The following CCDC102B variants were observed in gnomAD, a reference collection of about 807,000 sequenced individuals.
The protein encoded by CCDC102B is coiled-coil domain-containing protein 102B.
Under a neutral mutation model 57.4 loss-of-function variants are expected in CCDC102B, and 75 were observed. That is an observed-to-expected ratio of 1.31 (90% CI 1.08 to 1.58). The LOEUF is 1.58. CCDC102B is among the 40% of genes most tolerant of loss of function. The pLI, the probability that CCDC102B is intolerant of heterozygous loss-of-function variation, is 0.00. For synonymous variants in CCDC102B, 206 were observed against 201.9 expected (o/e 1.02, Z -0.17); for missense variants, 636 against 582.6 (o/e 1.09, Z -0.94).
chr18:68,967,200 C>CT (rs1220642873), intron 6 of CCDC102B, among the ~76,000 whole-genome samples: 3 of 152,048 alleles, frequency 2.0e-5, no homozygotes, highest in African/African-American at 7.2e-5. Flanking sequence ...GTGCCCTCTC[C>CT]TATCAACCAT....
At chr18:68,973,325 G>T (rs2050348904) in intron 6 of CCDC102B, among the ~76,000 whole-genome samples, 1 of 152,000 alleles carries the variant, frequency 6.6e-6, no homozygotes, top group Non-Finnish European at 1.5e-5. Context: ...TATGATTCAG[G>T]GAAATGTATA....
At chr18:68,781,034 G>A (rs2034990193) in intron 2 of CCDC102B, among the ~76,000 whole-genome samples, 1 of 151,974 alleles carries the variant, frequency 6.6e-6, no homozygotes, top group Non-Finnish European at 1.5e-5. Context: ...AGTTCATCTT[G>A]CAACTAATTA....
At chr18:68,811,795 C>T (rs1252985166) in intron 1 of CCDC102B, among the ~76,000 whole-genome samples, 1 of 151,998 alleles carries the variant, frequency 6.6e-6, no homozygotes, top group Admixed American at 6.6e-5. Context: ...CCTGAGGTCA[C>T]GTGAAGCACA....
intron 7 of CCDC102B, among the ~76,000 whole-genome samples, chr18:69,050,193 A>G (rs1285490883): frequency 1.3e-5 from 2 of 152,192 alleles, no homozygotes; most frequent in Non-Finnish European, 2.9e-5. Context: ...TTGTAATTCA[A>G]CTCACAATGT....
intron 6 of CCDC102B, among the ~76,000 whole-genome samples, chr18:68,976,604 A>G (rs2050444314): frequency 6.6e-6 from 1 of 151,972 alleles, no homozygotes; most frequent in African/African-American, 2.4e-5. Flanking sequence ...AAAAAATTAT[A>G]TCAATTTACT....
At chr18:68,908,681 C>T (rs1461325086) in intron 6 of CCDC102B, 1 of 152,100 alleles carries the variant, frequency 6.6e-6, no homozygotes, top group Non-Finnish European at 1.5e-5. Context: ...TTAGAGTAAT[C>T]ACAACTTATT....
intron 7 of CCDC102B, among the ~76,000 whole-genome samples, chr18:69,014,807 C>T (rs1353246764): frequency 1.3e-5 from 2 of 151,708 alleles, no homozygotes; most frequent in African/African-American, 4.8e-5. Flanking sequence ...GTAGGCATTC[C>T]ATAGAACTAT....
At chr18:68,830,673 A>C (rs1443757438) in intron 1 of CCDC102B, among the ~76,000 whole-genome samples, 1 of 148,620 alleles carries the variant, frequency 6.7e-6, no homozygotes, top group African/African-American at 2.6e-5. Context: ...ATACAGAAAT[A>C]GGCTGCTAAG....
At chr18:68,959,345 T>A (rs955303492) in intron 6 of CCDC102B, among the ~76,000 whole-genome samples, 7 of 152,154 alleles carry the variant, frequency 4.6e-5, no homozygotes, top group African/African-American at 1.7e-4. Context: ...TTCTCTTCCC[T>A]TACTTCCACC....
chr18:68,820,359 T>C (rs2036645313), intron 1 of CCDC102B, among the ~76,000 whole-genome samples: 1 of 152,138 alleles, frequency 6.6e-6, no homozygotes, highest in Non-Finnish European at 1.5e-5. Context: ...ATCACAATGA[T>C]TGATAATCAA....
chr18:68,872,085 A>C (rs1288788770), intron 4 of CCDC102B, among the ~76,000 whole-genome samples: 3 of 152,132 alleles, frequency 2.0e-5, no homozygotes, highest in Admixed American at 6.5e-5. Flanking sequence ...CATATTCAAT[A>C]ATTTTGGGAA....
At chr18:68,795,219 T>C (rs2035591107), upstream of CCDC102B, among the ~76,000 whole-genome samples, 1 of 152,084 alleles carries the variant, frequency 6.6e-6, no homozygotes. Flanking sequence ...AGATTGAGAT[T>C]ACAAGATACA....
intron 6 of CCDC102B, among the ~76,000 whole-genome samples, chr18:68,997,449 T>A (rs9947877): frequency 6.6e-6 from 1 of 151,884 alleles, no homozygotes; most frequent in Admixed American, 6.6e-5. Flanking sequence ...TACCGATAAG[T>A]GTTCTGGCAA....
In CCDC102B at chr18:68,911,751, C is replaced by CAAAAAAAAAAAAAA. The variant is rs74175338; in HGVS notation, c.1263+14334_1263+14347dup. On this transcript the variant is annotated intron_variant, in intron 6 of 7. Coordinates refer to ENST00000360242, the MANE Select transcript of CCDC102B (RefSeq NM_024781.3). ...TGGGCGACAGAGCGAGACTCCGTCTCAAAAAAAAAAAAAAAAAAAAAAAAG... is the reference window on the plus strand; with the variant it reads ...TGGGCGACAGAGCGAGACTCCGTCTCAAAAAAAAAAAAAAAAAAAAAAAAAAAAAAAAAAAAAAG... Among the ~76,000 whole-genome samples, 177 of 17,960 alleles carry CAAAAAAAAAAAAAA rather than the reference C, an allele frequency of 9.9e-3. 8 individuals are homozygous for CAAAAAAAAAAAAAA. The highest frequency in any genetic ancestry group is 0.017 in the Non-Finnish European group (141 of 8,462). 11.8% of individuals were successfully genotyped at this position (17,960 alleles called of 152,430 possible). A position where few individuals can be genotyped will look rare whatever the true frequency, so the allele number is the denominator to read the frequency against.
chr18:68,906,512 G>GT (rs1374183777), intron 6 of CCDC102B, among the ~76,000 whole-genome samples: 1 of 151,900 alleles, frequency 6.6e-6, no homozygotes, highest in Admixed American at 6.6e-5. Context: ...GTTTTGTTTT[G>GT]TTTTTTATTT....
chr18:68,975,815 G>C (rs2050420238), intron 6 of CCDC102B, among the ~76,000 whole-genome samples: 1 of 149,690 alleles, frequency 6.7e-6, no homozygotes, highest in Non-Finnish European at 1.5e-5. Flanking sequence ...GCTCAGGGAG[G>C]AAACATTCTA....
At chr18:68,920,424 A>G (rs2041236972) in intron 6 of CCDC102B, among the ~76,000 whole-genome samples, 1 of 152,138 alleles carries the variant, frequency 6.6e-6, no homozygotes. Context: ...AAAAGACATT[A>G]GGTCCACTTT....
At chr18:68,880,378 C>T (rs1281892449) in intron 5 of CCDC102B, among the ~76,000 whole-genome samples, 2 of 152,246 alleles carry the variant, frequency 1.3e-5, no homozygotes, top group African/African-American at 4.8e-5. Flanking sequence ...GTGCCTCTCC[C>T]TCCACACCTC....
At chr18:68,764,125 T>A (rs2034347699) in intron 2 of CCDC102B, among the ~76,000 whole-genome samples, 1 of 152,166 alleles carries the variant, frequency 6.6e-6, no homozygotes, top group African/African-American at 2.4e-5. Flanking sequence ...ACTCTTTGTT[T>A]GAAATTTGAT....
Sources: gnomAD v4.1 joint callset for allele counts (sites outside exome capture counted in the v4.1 genomes callset) on GRCh38, gnomAD v4.1.1 for gene constraint, MANE v1.5 for transcripts, NCBI Gene and HGNC (gene_info 2026-07-23, HGNC 2026-07-21) for gene names.